WWC2: variants seen among roughly 807,000 people sequenced by gnomAD.
WWC2 encodes WW and C2 domain containing 2, also known as protein WWC2.
Under a neutral mutation model 138.5 loss-of-function variants are expected in WWC2, and 101 were observed. The observed-to-expected ratio is 0.73, with a 90% confidence interval of 0.62 to 0.86. The LOEUF (loss-of-function observed/expected upper bound fraction) is 0.86. Ranked by LOEUF, WWC2 falls within the 40% of genes least tolerant of loss-of-function variation. The pLI is 0.00. For missense variants in WWC2, 1,420 were observed against 1,419.4 expected (o/e 1.00, Z -0.01); for synonymous variants, 558 against 538.4 (o/e 1.04, Z -0.50).
intron 4 of WWC2, among the ~76,000 whole-genome samples, chr4:183,217,246 G>A (rs1158262469): frequency 6.6e-6 from 1 of 152,158 alleles, no homozygotes; most frequent in Admixed American, 6.5e-5. Context: ...TATTGGGGAT[G>A]AGAGTAGTGT....
Position 183,214,849 on chromosome 4 carries a change from A to G in WWC2, c.522+5824A>G, listed in dbSNP as rs146294479. Among the ~76,000 whole-genome samples, 214 of 152,104 alleles carry G rather than the reference A, an allele frequency of 1.4e-3. 4 individuals carry two copies. The highest frequency in any genetic ancestry group is 9.5e-3 in the East Asian group (49 of 5,182). On this transcript the variant is annotated intron_variant, in intron 4 of 22. Transcript: ENST00000403733. ...CGCAAATATTCTCTCTTGACTAGAC[A>G]TGAGAGATATCCTTATTCTCATACT... is the stretch of plus-strand genomic sequence containing the variant.
intron 1 of WWC2, among the ~76,000 whole-genome samples, chr4:183,114,138 G>A (rs376122996): frequency 1.8e-4 from 27 of 152,210 alleles, no homozygotes; most frequent in African/African-American, 6.0e-4. Context: ...TAGTGGGTGA[G>A]TTCTTGCAGT....
At chr4:183,271,435 G>T (rs1255557597) in intron 16 of WWC2, among the ~76,000 whole-genome samples, 194 bp downstream of exon 16, 1 of 151,808 alleles carries the variant, frequency 6.6e-6, no homozygotes, top group Admixed American at 6.6e-5. Context: ...TTCCAGCTTT[G>T]TTTCAAATAT....
rs1035942437 is a variant in WWC2, at chr4:183,104,606, A to G, written c.131+4984A>G. ...CAGCAGGCCCTGAGTCTGGGTGCCA[A>G]GTGGTTACTGTGAATTATTTGAGTG... On this transcript the variant is annotated intron_variant, in intron 1 of 22. Coordinates refer to ENST00000403733, the MANE Select transcript of WWC2 (RefSeq NM_024949.6). Among the ~76,000 whole-genome samples the G allele has an allele frequency of 9.2e-5, 14 of 152,298 alleles. No homozygotes were observed. In the South Asian group the frequency reaches 1.5e-3, roughly 16 times the overall value.
Position 183,317,989 on chromosome 4 carries a change from T to A in WWC2, c.*2260T>A, listed in dbSNP as rs1739494371. The A allele has an allele frequency of 6.6e-6, 1 of 152,214 alleles. No homozygotes were observed. The highest frequency in any genetic ancestry group is 2.1e-4 in the South Asian group (1 of 4,826). 9.4% of individuals were successfully genotyped at this position (152,214 alleles called of 1,614,324 possible). A position where few individuals can be genotyped will look rare whatever the true frequency, so the allele number is the denominator to read the frequency against. The stretch of plus-strand genomic sequence containing the variant: ...GTGTTATGTATTTATAGGCAGCTTT[T>A]AATAATCTTGTCATATTTGTACTAA... On this transcript the variant is annotated 3_prime_UTR_variant, in exon 23 of 23. Coordinates refer to ENST00000403733, the MANE Select transcript of WWC2 (RefSeq NM_024949.6).
chr4:183,252,414 C>T (rs1469716873), intron 8 of WWC2, among the ~76,000 whole-genome samples: 1 of 152,196 alleles, frequency 6.6e-6, no homozygotes, highest in Non-Finnish European at 1.5e-5. Flanking sequence ...CTTTACAGTG[C>T]CACGTAGCAA....
chr4:183,154,893 G>T (rs907647742), intron 1 of WWC2, among the ~76,000 whole-genome samples: 2 of 152,148 alleles, frequency 1.3e-5, no homozygotes, highest in African/African-American at 4.8e-5. Flanking sequence ...CTCTCAGACC[G>T]CAGATAACAA....
intron 1 of WWC2, among the ~76,000 whole-genome samples, chr4:183,181,104 TTAAC>T (rs1283433942): frequency 2.6e-5 from 4 of 152,206 alleles, no homozygotes; most frequent in African/African-American, 9.7e-5. Context: ...CTGCATATAA[TTAAC>T]TATAGTATAT....
At chr4:183,128,388 C>G (rs1323099436) in intron 1 of WWC2, among the ~76,000 whole-genome samples, 1 of 151,944 alleles carries the variant, frequency 6.6e-6, no homozygotes, top group Non-Finnish European at 1.5e-5. Flanking sequence ...GTGGCACATG[C>G]CTGTAGTCTC....
intron 4 of WWC2, among the ~76,000 whole-genome samples, chr4:183,223,213 A>G (rs1735979523): frequency 6.6e-6 from 1 of 152,238 alleles, no homozygotes; most frequent in Non-Finnish European, 1.5e-5. Flanking sequence ...CAAGTGGCCT[A>G]GGTGTGTAGC....
chr4:183,265,674 C>A lies in WWC2; in HGVS notation c.2040-14C>A. On this transcript the variant is annotated splice_polypyrimidine_tract_variant and intron_variant, in intron 12 of 22. Transcript: ENST00000403733. The stretch of plus-strand genomic sequence containing the variant: ...CCCATTAATTAACTGTTCATCTACT[C>A]CCTGTCCATATAGACCTAGTGAAAT... The A allele has an allele frequency of 6.2e-7, 1 of 1,604,270 alleles. No individual in the cohort carries two copies. The highest frequency in any genetic ancestry group is 1.1e-5 in the South Asian group (1 of 88,810).
At chr4:183,145,276 G>A (rs1467153614) in intron 1 of WWC2, among the ~76,000 whole-genome samples, 4 of 152,010 alleles carry the variant, frequency 2.6e-5, no homozygotes, top group Non-Finnish European at 5.9e-5. Context: ...AATATAAATG[G>A]CATTTAAAAA....
intron 1 of WWC2, among the ~76,000 whole-genome samples, chr4:183,157,294 T>C (rs1217497195): frequency 2.0e-5 from 3 of 152,214 alleles, no homozygotes; most frequent in Non-Finnish European, 4.4e-5. Flanking sequence ...AGGTTATGCA[T>C]TTTTGGCTGA....
At chr4:183,231,352 C>T (rs190830574) in intron 4 of WWC2, among the ~76,000 whole-genome samples, 31 of 148,560 alleles carry the variant, frequency 2.1e-4, no homozygotes, top group African/African-American at 7.5e-4. Flanking sequence ...TCATCACAAC[C>T]TCCGCCTCCT....
At chr4:183,100,681 T>A (rs1299867359) in intron 1 of WWC2, among the ~76,000 whole-genome samples, 1 of 152,224 alleles carries the variant, frequency 6.6e-6, no homozygotes, top group Non-Finnish European at 1.5e-5. Flanking sequence ...CTGAAATACC[T>A]AACTACTTTA....
intron 1 of WWC2, among the ~76,000 whole-genome samples, chr4:183,159,140 A>C (rs763747547): frequency 6.6e-6 from 1 of 152,220 alleles, no homozygotes; most frequent in Non-Finnish European, 1.5e-5. Flanking sequence ...TATATCAATC[A>C]CATTTGAACA....
rs777509601 is a variant in WWC2 at position 183,245,506 on chromosome 4, A to G, written c.693A>G (p.Ala231=). 4.9e-5 allele frequency: 78 copies of G among 1,607,016 alleles called. 5 individuals are homozygous for G. In the South Asian group the frequency reaches 8.5e-4, roughly 18 times the overall value. Reference sequence around the variant, plus strand: ...CAGAACTAAAATCTATCAGAAAGGCAATTAGCTCAGGAGAAAAAGAAAAAC... The same window carrying G: ...CAGAACTAAAATCTATCAGAAAGGCGATTAGCTCAGGAGAAAAAGAAAAAC... ...ILTELKSIRK[A]ISSGEKEKQD... Residue 231 remains alanine, a synonymous_variant, in exon 6 of 23, where the codon GCA becomes GCG. Coordinates refer to ENST00000403733, the MANE Select transcript of WWC2 (RefSeq NM_024949.6).
At chr4:183,262,006 C>G (rs2111359627) in intron 11 of WWC2, among the ~76,000 whole-genome samples, 1 of 152,322 alleles carries the variant, frequency 6.6e-6, no homozygotes, top group South Asian at 2.1e-4. Context: ...GACTCCTTTT[C>G]TGGCGAAAAG....
intron 2 of WWC2, among the ~76,000 whole-genome samples, chr4:183,196,554 GTCTT>G (rs1735147553): frequency 6.6e-6 from 1 of 152,172 alleles, no homozygotes; most frequent in Admixed American, 6.5e-5. Flanking sequence ...ATCTGTCTAA[GTCTT>G]TCCCAGAGTC....
Sources: allele counts gnomAD v4.1 joint callset (sites outside exome capture counted in the v4.1 genomes callset), GRCh38; gene constraint gnomAD v4.1.1; transcripts MANE v1.5; gene names NCBI Gene and HGNC (gene_info 2026-07-23, HGNC 2026-07-21).